ERICH2: variants seen among roughly 807,000 people sequenced by gnomAD.
ERICH2 encodes glutamate-rich protein 2.
Under a neutral mutation model 17.4 loss-of-function variants are expected in ERICH2, and 17 were observed. The ratio of observed to expected loss-of-function variants is 0.98; its 90% CI spans 0.67 to 1.47. The LOEUF (loss-of-function observed/expected upper bound fraction) is 1.47. ERICH2 is among the 40% of genes most tolerant of loss of function. The pLI is 0.00. For missense variants in ERICH2, 186 were observed against 183.2 expected, an observed-to-expected ratio of 1.01 and a Z score of -0.09; for synonymous variants, 51 against 61.1, an observed-to-expected ratio of 0.83 and a Z score of 0.77.
the ERICH2 span, chr2:170,775,547 G>A: frequency 6.6e-6 from 1 of 152,308 alleles, no homozygotes; most frequent in Admixed American, 6.5e-5. Context: ...GGGAGATGAT[G>A]TTAGATTTCT....
At chr2:170,783,987 T>G in intron 1 of ERICH2, 1 of 1,375,870 alleles carries the variant, frequency 7.3e-7, no homozygotes, top group South Asian at 1.3e-5. Flanking sequence ...GTTTTACCTT[T>G]TTTTGTTGTT....
intron 2 of ERICH2, among the ~76,000 whole-genome samples, chr2:170,787,573 T>C (rs1701186575): frequency 6.6e-6 from 1 of 152,228 alleles, no homozygotes. Context: ...TGATTCTTTC[T>C]CCAGATTCAG....
chr2:170,797,647 A>G (rs1701461321), intron 3 of ERICH2, among the ~76,000 whole-genome samples: 1 of 151,830 alleles, frequency 6.6e-6, no homozygotes, highest in Non-Finnish European at 1.5e-5. Context: ...AAAATACAAA[A>G]CTTAGCCAGG....
the ERICH2 span, among the ~76,000 whole-genome samples, chr2:170,773,216 T>A: frequency 5.3e-5 from 8 of 152,224 alleles, no homozygotes; most frequent in Non-Finnish European, 1.0e-4. Context: ...AAAGGGTGGT[T>A]ATCATCTTTG....
At chr2:170,786,325 G>A (rs1411969899) in intron 2 of ERICH2, among the ~76,000 whole-genome samples, 1 of 151,320 alleles carries the variant, frequency 6.6e-6, no homozygotes, top group African/African-American at 2.4e-5. Flanking sequence ...TTTTTTTTAG[G>A]GCTTTGAACG....
chr2:170,777,727 T>G, the ERICH2 span: 2 of 1,182,592 alleles, frequency 1.7e-6, no homozygotes, highest in Non-Finnish European at 1.1e-6. Flanking sequence ...CCATGCCTTT[T>G]AAGCAATTAG....
chr2:170,796,929 T>C (rs1472804409), intron 3 of ERICH2, among the ~76,000 whole-genome samples: 2 of 152,102 alleles, frequency 1.3e-5, no homozygotes, highest in African/African-American at 4.8e-5. Flanking sequence ...GTGAATAAAA[T>C]AGTCTAGACA....
intron 4 of ERICH2, among the ~76,000 whole-genome samples, chr2:170,798,557 T>C (rs1054229719): frequency 2.0e-5 from 3 of 152,228 alleles, no homozygotes; most frequent in African/African-American, 7.2e-5. Context: ...TTTTATAGAC[T>C]TATGTTTTAA....
intron 3 of ERICH2, 23 bp from the exon 9 acceptor site, chr2:170,798,018 C>T: frequency 6.6e-7 from 1 of 1,507,020 alleles, no homozygotes; most frequent in Non-Finnish European, 9.0e-7. Flanking sequence ...AACACACATT[C>T]TGTTGTCCAT....
upstream of ERICH2, among the ~76,000 whole-genome samples, chr2:170,780,973 C>A (rs911587625): frequency 2.6e-5 from 4 of 152,134 alleles, no homozygotes; most frequent in African/African-American, 9.7e-5. Flanking sequence ...TGCTTTCTGT[C>A]ACAATTAGAA....
At chr2:170,792,096 G>C (rs891695018) in intron 2 of ERICH2, among the ~76,000 whole-genome samples, 3 of 152,084 alleles carry the variant, frequency 2.0e-5, no homozygotes, top group Non-Finnish European at 4.4e-5. Flanking sequence ...GATTAGTTTA[G>C]TAAATTGTAG....
At chr2:170,789,599 G>A (rs1701235975) in intron 2 of ERICH2, among the ~76,000 whole-genome samples, 2 of 152,064 alleles carry the variant, frequency 1.3e-5, no homozygotes, top group South Asian at 4.2e-4. Flanking sequence ...CTTAATTTTG[G>A]AGTGTTAGAT....
chr2:170,781,152 C>T (rs543913614), upstream of ERICH2, among the ~76,000 whole-genome samples: 1 of 152,222 alleles, frequency 6.6e-6, no homozygotes, highest in East Asian at 1.9e-4. Flanking sequence ...TAAATTAGTG[C>T]ATGGGACCAC....
At position 170,798,641 on chromosome 2, in the gene ERICH2, G is replaced by A. The variant is rs1051097858; in HGVS notation, c.347-129G>A. On this transcript the variant is annotated intron_variant, in intron 4 of 4. Transcript: ENST00000409885. ...CTACCATTTGACCCTAGTGCAGTTA[G>A]CCAAGTCCAACTCAGTTCTTATGTT... 56 of 1,114,588 alleles carry A rather than the reference G, an allele frequency of 5.0e-5. No homozygotes were observed. The East Asian group carries it at 1.5e-3, about 29-fold the overall frequency. The allele number at this position is 1,114,588 out of a possible 1,614,324, so 69.0% of individuals were successfully genotyped here.
chr2:170,785,463 T>A (rs1305179261), intron 2 of ERICH2, among the ~76,000 whole-genome samples: 1 of 152,118 alleles, frequency 6.6e-6, no homozygotes, highest in Admixed American at 6.6e-5. Flanking sequence ...AGGAAAGCTT[T>A]CTATACACTG....
In ERICH2 at chr2:170,797,892, T is replaced by G. The variant is rs1047646622; in HGVS notation, c.275-149T>G. On this transcript the variant is annotated intron_variant, in intron 3 of 4. Transcript: ENST00000409885. ...AGTGCAGAATTTTCTCTATTTGTAC[T>G]CAGATATACCTGTGGTATAATTGTT... is the stretch of plus-strand genomic sequence containing the variant. 7.3e-6 allele frequency: 4 copies of G among 550,882 alleles called. No homozygotes were observed. In the Admixed American group the frequency reaches 9.3e-5, roughly 13 times the overall value. The allele number at this position is 550,882 out of a possible 1,614,324, so 34.1% of individuals were successfully genotyped here.
At chr2:170,783,977 G>A in intron 1 of ERICH2, 1 of 1,442,054 alleles carries the variant, frequency 6.9e-7, no homozygotes. Context: ...AGAGTCATTA[G>A]TTTTACCTTT....
chr2:170,783,508 C>G (rs1005576500), upstream of ERICH2, among the ~76,000 whole-genome samples: 1 of 152,146 alleles, frequency 6.6e-6, no homozygotes, highest in Admixed American at 6.5e-5. Flanking sequence ...GAGATCACAT[C>G]ACTGAACTCC....
intron 2 of ERICH2, among the ~76,000 whole-genome samples, 192 bp from the exon 8 acceptor site, chr2:170,792,671 C>T (rs536924020): frequency 4.6e-5 from 7 of 152,318 alleles, no homozygotes; most frequent in African/African-American, 1.4e-4. Context: ...ATCCTTACCC[C>T]ATGTGGCTTT....
Sources: allele counts gnomAD v4.1 joint callset (sites outside exome capture counted in the v4.1 genomes callset), GRCh38; gene constraint gnomAD v4.1.1; transcripts MANE v1.5; gene names NCBI Gene and HGNC (gene_info 2026-07-23, HGNC 2026-07-21).